The following TMOD2 variants were observed in gnomAD, a reference collection of about 807,000 sequenced individuals.
TMOD2 encodes the protein tropomodulin 2.
In TMOD2, 22 loss-of-function variants were observed where a neutral mutation model predicts 39.9. The observed-to-expected ratio is 0.55, with a 90% CI of 0.39 to 0.79. TMOD2 has a LOEUF of 0.79. Ranked by LOEUF, TMOD2 falls within the 30% of genes least tolerant of loss-of-function variation. TMOD2 has a pLI of 0.00. For missense variants in TMOD2, 386 were observed against 413.3 expected (o/e 0.93, Z 0.57); for synonymous variants, 123 against 146.1 (o/e 0.84, Z 1.14).
In TMOD2 at chr15:51,811,307, T is replaced by C. The variant is rs2056155115; in HGVS notation, c.*2853T>C. On this transcript the variant is annotated 3_prime_UTR_variant, in exon 10 of 10. Transcript: ENST00000249700. ...ATAATGTATATAAAATATTTTTCTA[T>C]GTATTTGTTCTGCCAGATACTGTGT... 1 of 152,210 alleles carries C rather than the reference T, an allele frequency of 6.6e-6. No individual in the cohort carries two copies. Among genetic ancestry groups the C allele is most frequent in the African/African-American group, 2.4e-5 (1 of 41,446 alleles). The allele number at this position is 152,210 out of a possible 1,614,324, so 9.4% of individuals were successfully genotyped here.
intron 7 of TMOD2, among the ~76,000 whole-genome samples, chr15:51,794,060 G>A (rs1040346478): frequency 6.6e-6 from 1 of 152,214 alleles, no homozygotes; most frequent in Non-Finnish European, 1.5e-5. Context: ...TAGTCCAGTG[G>A]TTCTCAACCT....
intron 7 of TMOD2, chr15:51,783,748 T>TAGATAGATAG (rs1187407955): frequency 8.4e-6 from 1 of 119,182 alleles, no homozygotes; most frequent in Admixed American, 8.5e-5. Flanking sequence ...AACGAGATGA[T>TAGATAGATAG]AGATAGATAG....
At chr15:51,752,042 G>C (rs1049282482) in intron 1 of TMOD2, among the ~76,000 whole-genome samples, 3 of 151,934 alleles carry the variant, frequency 2.0e-5, no homozygotes, top group Non-Finnish European at 4.4e-5. Context: ...CCGGGCTGCG[G>C]GGCTGTGTTC....
intron 8 of TMOD2, among the ~76,000 whole-genome samples, chr15:51,799,552 A>T (rs1284009103): frequency 6.6e-6 from 1 of 152,178 alleles, no homozygotes; most frequent in Non-Finnish European, 1.5e-5. Context: ...GAACTTTTAC[A>T]TTCGCATCCT....
Position 51,795,250 on chromosome 15 carries a change from G to A in TMOD2, c.733-2947G>A, listed in dbSNP as rs147631015. On this transcript the variant is annotated intron_variant, in intron 7 of 9. Transcript: ENST00000249700. Reference sequence around the variant, plus strand: ...AGCCTGGCCAACATGGTGAAACCCCGTCTCTACTACAAGTATATAAAAAAA... The same window carrying A: ...AGCCTGGCCAACATGGTGAAACCCCATCTCTACTACAAGTATATAAAAAAA... 1.8e-3 allele frequency among the ~76,000 whole-genome samples: 269 copies of A among 151,940 alleles called. 10 individuals carry two copies. The highest frequency in any genetic ancestry group is 0.017 in the East Asian group (86 of 5,164).
chr15:51,755,003 A>G (rs1280196072), intron 1 of TMOD2, among the ~76,000 whole-genome samples: 1 of 152,238 alleles, frequency 6.6e-6, no homozygotes, highest in Non-Finnish European at 1.5e-5. Context: ...TTACTTACAG[A>G]TTAGAATTCA....
At chr15:51,793,385 C>G (rs2056025727) in intron 7 of TMOD2, among the ~76,000 whole-genome samples, 1 of 152,086 alleles carries the variant, frequency 6.6e-6, no homozygotes, top group African/African-American at 2.4e-5. Context: ...CATACTACAT[C>G]TTTGAAATCC....
At chr15:51,776,505 G>A (rs1175391191) in intron 4 of TMOD2, among the ~76,000 whole-genome samples, 1 of 152,128 alleles carries the variant, frequency 6.6e-6, no homozygotes, top group Non-Finnish European at 1.5e-5. Flanking sequence ...GAGATGAGGA[G>A]GCTGACATTG....
At chr15:51,805,481 A>G (rs1055809474) in intron 8 of TMOD2, among the ~76,000 whole-genome samples, 1 of 152,198 alleles carries the variant, frequency 6.6e-6, no homozygotes, top group African/African-American at 2.4e-5. Context: ...CTGAGAGACA[A>G]CAGCCCATAG....
At chr15:51,775,727 G>C (rs761407892) in intron 4 of TMOD2, among the ~76,000 whole-genome samples, 1 of 151,760 alleles carries the variant, frequency 6.6e-6, no homozygotes, top group African/African-American at 2.4e-5. Flanking sequence ...ACAGGTGCCC[G>C]CCACCACGCC....
chr15:51,804,817 C>T (rs1243048836), intron 8 of TMOD2, among the ~76,000 whole-genome samples: 2 of 152,132 alleles, frequency 1.3e-5, no homozygotes, highest in African/African-American at 2.4e-5. Context: ...ATGATCCGCC[C>T]GTCTCAGCCT....
chr15:51,803,250 G>C (rs899974971), intron 8 of TMOD2, among the ~76,000 whole-genome samples: 1 of 144,856 alleles, frequency 6.9e-6, no homozygotes, highest in African/African-American at 2.6e-5. Flanking sequence ...GCGCCATCTC[G>C]GCTCACTGCA....
chr15:51,768,213 T>C (rs765119407), intron 2 of TMOD2, 49 bp from the exon 3 acceptor site: 12 of 1,610,562 alleles, frequency 7.5e-6, no homozygotes, highest in Middle Eastern at 1.7e-4. Context: ...AGTAGCAAAG[T>C]ACAGGCCGGC....
Position 51,766,371 on chromosome 15 carries a change from A to G in TMOD2, c.-69-2A>G. ...TTTATTGTGTTTCTTTTTTATTAAC[A>G]GTATTCTGAAGTCTCAGGAAACTGG... On this transcript the variant is annotated splice_acceptor_variant, in intron 1 of 9. Coordinates refer to ENST00000249700, the MANE Select transcript of TMOD2 (RefSeq NM_014548.4). LOFTEE classifies it low-confidence loss of function (5UTR_SPLICE). 3.6e-6 allele frequency: 5 copies of G among 1,405,270 alleles called. No individual in the cohort carries two copies. The highest frequency in any genetic ancestry group is 2.7e-5 in the South Asian group (2 of 74,888). The allele number at this position is 1,405,270 out of a possible 1,614,324, so 87.1% of individuals were successfully genotyped here.
intron 7 of TMOD2, among the ~76,000 whole-genome samples, chr15:51,787,606 G>A (rs930842542): frequency 1.4e-4 from 22 of 152,310 alleles, no homozygotes; most frequent in African/African-American, 3.6e-4. Flanking sequence ...AGTAGGGGCC[G>A]ACAGACACCT....
intron 1 of TMOD2, among the ~76,000 whole-genome samples, chr15:51,755,420 A>C (rs2055735179): frequency 6.6e-6 from 1 of 152,170 alleles, no homozygotes; most frequent in South Asian, 2.1e-4. Flanking sequence ...CACTATTCCT[A>C]GGTTCCCCTG....
chr15:51,782,924 A>G lies in TMOD2; in HGVS notation c.732+96A>G. On this transcript the variant is annotated intron_variant, in intron 7 of 9. Coordinates refer to ENST00000249700, the MANE Select transcript of TMOD2 (RefSeq NM_014548.4). ...TTAGCTAACAATTTTTTAGATCTGG[A>G]AAACTTACCTTCTACACAGTTAGTG... The G allele has an allele frequency of 3.4e-6, 4 of 1,170,586 alleles. No homozygotes were observed. In the South Asian group the frequency reaches 5.5e-5, roughly 16 times the overall value. The allele number at this position is 1,170,586 out of a possible 1,614,324, so 72.5% of individuals were successfully genotyped here. A position where few individuals can be genotyped will look rare whatever the true frequency, so the allele number is the denominator to read the frequency against.
At chr15:51,793,762 G>A (rs116802749) in intron 7 of TMOD2, among the ~76,000 whole-genome samples, 1 of 152,284 alleles carries the variant, frequency 6.6e-6, no homozygotes, top group African/African-American at 2.4e-5. Context: ...GCAAGATCCT[G>A]GCAACTCGCC....
Position 51,782,612 on chromosome 15 carries a change from A to G in TMOD2, c.625-109A>G, listed in dbSNP as rs901046259. The stretch of plus-strand genomic sequence containing the variant: ...GTAATGACCCTCATTTAGAAGGGAT[A>G]TCGTGTATTTATCTACACATACCTG... On this transcript the variant is annotated intron_variant, in intron 6 of 9. Coordinates refer to ENST00000249700, the MANE Select transcript of TMOD2 (RefSeq NM_014548.4). The G allele has an allele frequency of 4.9e-6, 4 of 816,048 alleles. No homozygotes were observed. In the African/African-American group the frequency reaches 6.9e-5, roughly 14 times the overall value. The allele number at this position is 816,048 out of a possible 1,614,324, so 50.6% of individuals were successfully genotyped here.
Sources: allele counts gnomAD v4.1 joint callset (sites outside exome capture counted in the v4.1 genomes callset), GRCh38; gene constraint gnomAD v4.1.1; transcripts MANE v1.5; gene names NCBI Gene and HGNC (gene_info 2026-07-23, HGNC 2026-07-21).